EFCAB3: variants seen among roughly 807,000 people sequenced by gnomAD.
EFCAB3 encodes the protein EF-hand calcium binding domain 3, also known as EF-hand calcium-binding domain-containing protein 3.
A neutral mutation model predicts 42.2 loss-of-function variants in EFCAB3; 36 were observed. The ratio of observed to expected loss-of-function variants is 0.85; its 90% confidence interval spans 0.65 to 1.13. The LOEUF (loss-of-function observed/expected upper bound fraction) is 1.13, where lower values mean the gene tolerates loss of function less well. Among genes scored for constraint, EFCAB3 ranks in the 50% most tolerant of loss-of-function variants. The pLI, the probability that EFCAB3 is intolerant of heterozygous loss-of-function variation, is 0.00. For synonymous variants in EFCAB3, 170 were observed against 172.8 expected (o/e 0.98, Z 0.13); for missense variants, 418 against 505.1 (o/e 0.83, Z 1.65).
In EFCAB3 at chr17:62,371,019, G is replaced by A. The variant is rs768022938; in HGVS notation, c.34+697G>A. Among the ~76,000 whole-genome samples the A allele has an allele frequency of 2.1e-3, 326 of 151,888 alleles. 2 individuals carry two copies. Among genetic ancestry groups the A allele is most frequent in the Non-Finnish European group, 2.8e-3 (188 of 67,970 alleles). The stretch of plus-strand genomic sequence containing the variant: ...AGGCAGGACAATCACTTGAGCCCAG[G>A]AATTCGAGATTGCAATGAGCTATGA... On this transcript the variant is annotated intron_variant, in intron 1 of 11. Transcript: ENST00000450662.
intron 3 of EFCAB3, among the ~76,000 whole-genome samples, chr17:62,389,113 T>C (rs944469473): frequency 2.0e-5 from 3 of 152,188 alleles, no homozygotes; most frequent in African/African-American, 7.2e-5. Context: ...AACTCTATTG[T>C]GGTTTCTGCA....
intron 8 of EFCAB3, among the ~76,000 whole-genome samples, chr17:62,410,551 C>T (rs569102928): frequency 1.3e-5 from 2 of 151,932 alleles, no homozygotes; most frequent in East Asian, 3.9e-4. Context: ...CCGAGGAATT[C>T]GAGACCAGCC....
intron 8 of EFCAB3, among the ~76,000 whole-genome samples, chr17:62,411,207 A>C (rs1398256870): frequency 1.3e-5 from 2 of 152,184 alleles, no homozygotes. Flanking sequence ...AAAGGAAATA[A>C]TCTACTCTCA....
At chr17:62,370,363 T>C in intron 1 of EFCAB3, 1 of 1,548,350 alleles carries the variant, frequency 6.5e-7, no homozygotes, top group Non-Finnish European at 8.7e-7. Flanking sequence ...TTCTTAGAAG[T>C]GTATTTTTGG....
chr17:62,401,641 T>G (rs1391927620), intron 6 of EFCAB3, among the ~76,000 whole-genome samples: 10 of 152,106 alleles, frequency 6.6e-5, no homozygotes, highest in Admixed American at 6.6e-5. Context: ...CTGTTCCATT[T>G]GTCTATATCT....
intron 2 of EFCAB3, among the ~76,000 whole-genome samples, chr17:62,386,666 A>G (rs2070254252): frequency 6.6e-6 from 1 of 152,248 alleles, no homozygotes; most frequent in South Asian, 2.1e-4. Flanking sequence ...TTGGAGTCAG[A>G]CAAATCTGGG....
At chr17:62,380,550 C>A, upstream of EFCAB3, 1 of 985,354 alleles carries the variant, frequency 1.0e-6, no homozygotes, top group African/African-American at 1.7e-5. Flanking sequence ...ATGGAACAAA[C>A]CCTTTATTGG....
At chr17:62,375,310 C>G (rs2070141817) in intron 2 of EFCAB3, among the ~76,000 whole-genome samples, 1 of 152,174 alleles carries the variant, frequency 6.6e-6, no homozygotes, top group Non-Finnish European at 1.5e-5. Flanking sequence ...CCATCTATTG[C>G]TGCTTTTGTT....
chr17:62,391,093 T>G (rs1215783317), intron 3 of EFCAB3, among the ~76,000 whole-genome samples: 2 of 152,162 alleles, frequency 1.3e-5, no homozygotes, highest in African/African-American at 2.4e-5. Context: ...ACAAATTTAT[T>G]ATCTCACAGT....
At chr17:62,406,912 G>A in intron 7 of EFCAB3, 116 bp from the exon 8 acceptor site, 1 of 1,028,630 alleles carries the variant, frequency 9.7e-7, no homozygotes, top group Non-Finnish European at 1.4e-6. Flanking sequence ...AGTGAAGAAT[G>A]AGGGCCATGG....
chr17:62,388,132 A>G (rs2070270918), intron 3 of EFCAB3, among the ~76,000 whole-genome samples: 2 of 151,840 alleles, frequency 1.3e-5, no homozygotes, highest in South Asian at 4.2e-4. Context: ...AATTGCTTGA[A>G]CCCAGGAAGC....
chr17:62,376,994 G>A (rs191081006), upstream of EFCAB3, among the ~76,000 whole-genome samples: 678 of 152,256 alleles, frequency 4.5e-3, 6 homozygotes, highest in Middle Eastern at 0.017. Context: ...GAATGGCATA[G>A]GGTGCCTCTA....
intron 6 of EFCAB3, among the ~76,000 whole-genome samples, chr17:62,405,051 T>G (rs1039108983): frequency 6.6e-6 from 1 of 152,192 alleles, no homozygotes; most frequent in Non-Finnish European, 1.5e-5. Flanking sequence ...TTAGTAGGTG[T>G]GTAGTCAGGG....
chr17:62,394,696 T>C (rs1394450893), intron 5 of EFCAB3, among the ~76,000 whole-genome samples: 1 of 152,212 alleles, frequency 6.6e-6, no homozygotes, highest in Non-Finnish European at 1.5e-5. Context: ...ATATATTCAT[T>C]CATAATCTAT....
intron 2 of EFCAB3, among the ~76,000 whole-genome samples, chr17:62,385,860 C>T (rs930590205): frequency 6.6e-6 from 1 of 150,820 alleles, no homozygotes; most frequent in African/African-American, 2.4e-5. Flanking sequence ...GCTGGGACTA[C>T]AGGCGCCCGC....
At chr17:62,409,094 G>A (rs908095893) in intron 8 of EFCAB3, among the ~76,000 whole-genome samples, 2 of 152,082 alleles carry the variant, frequency 1.3e-5, no homozygotes, top group African/African-American at 4.8e-5. Context: ...GTCTTGCTCT[G>A]TTGCCCAGGC....
intron 6 of EFCAB3, among the ~76,000 whole-genome samples, chr17:62,402,257 T>A (rs1473006711): frequency 5.3e-5 from 8 of 152,190 alleles, no homozygotes; most frequent in Non-Finnish European, 7.3e-5. Flanking sequence ...TGACTGCCTC[T>A]TTTCCTAATT....
At chr17:62,412,048 A>C (rs2070502449) in intron 8 of EFCAB3, among the ~76,000 whole-genome samples, 1 of 152,142 alleles carries the variant, frequency 6.6e-6, no homozygotes, top group Non-Finnish European at 1.5e-5. Context: ...AAGTATTTCC[A>C]GCTAAGCTAT....
rs972182111 is a variant in EFCAB3, at chr17:62,396,756, G to A, written c.488+1568G>A. Among the ~76,000 whole-genome samples the A allele has an allele frequency of 4.6e-5, 7 of 151,738 alleles. No individual in the cohort carries two copies. The East Asian group carries it at 1.2e-3, about 25-fold the overall frequency. ...AAATTAAAAAAATTAACTAGGCATG[G>A]TGGCGAATACCTGTAGTCCAAGCTA... On this transcript the variant is annotated intron_variant, in intron 6 of 9. Coordinates refer to ENST00000305286, the MANE Select transcript of EFCAB3 (RefSeq NM_173503.4).
Sources: allele counts gnomAD v4.1 joint callset (sites outside exome capture counted in the v4.1 genomes callset), GRCh38; gene constraint gnomAD v4.1.1; transcripts MANE v1.5; gene names NCBI Gene and HGNC (gene_info 2026-07-23, HGNC 2026-07-21).